The following ATP6V0A4 variants were observed in gnomAD, a reference collection of about 807,000 sequenced individuals.
ATP6V0A4 encodes the protein ATPase H+ transporting V0 subunit a4.
In ATP6V0A4, 86 loss-of-function variants were observed where a neutral mutation model predicts 107.3. The ratio of observed to expected loss-of-function variants is 0.80; its 90% confidence interval spans 0.67 to 0.96. ATP6V0A4 has a LOEUF of 0.96. Among genes scored for constraint, ATP6V0A4 ranks in the 40% least tolerant of loss-of-function variants. ATP6V0A4 has a pLI of 0.00. For missense variants in ATP6V0A4, 908 were observed against 1,045.6 expected (o/e 0.87, Z 1.81); for synonymous variants, 353 against 381.4 (o/e 0.93, Z 0.87).
intron 8 of ATP6V0A4, among the ~76,000 whole-genome samples, chr7:138,756,971 A>G (rs1295881818): frequency 6.6e-6 from 1 of 152,210 alleles, no homozygotes; most frequent in Non-Finnish European, 1.5e-5. Context: ...ATATTTAACA[A>G]AGGTAAAGCC....
chr7:138,733,193 T>A, intron 16 of ATP6V0A4, 100 bp from the exon 17 acceptor site: 1 of 1,233,432 alleles, frequency 8.1e-7, no homozygotes. Flanking sequence ...TGTTCTATCT[T>A]TTTTTTTTTT....
chr7:138,722,865 C>G (rs1266153677), intron 18 of ATP6V0A4, among the ~76,000 whole-genome samples: 1 of 150,662 alleles, frequency 6.6e-6, no homozygotes, highest in African/African-American at 2.4e-5. Context: ...TCAAGACCAG[C>G]CTGGTCAACA....
At chr7:138,736,747 TTTTAGTAGAGATGGGGTTTCACCA>T (rs1282893349) in intron 15 of ATP6V0A4, among the ~76,000 whole-genome samples, 1 of 151,874 alleles carries the variant, frequency 6.6e-6, no homozygotes, top group Non-Finnish European at 1.5e-5. Flanking sequence ...AATTTTGTAT[TTTTAGTAGAGATGGGGTTTCACCA>T]TGTTGGCCAG....
Position 138,768,782 on chromosome 7 carries a change from C to G in ATP6V0A4, c.289G>C (p.Glu97Gln). ...TPLPREMITLETVLEKLEGEL... is the reference protein window; with the variant it reads ...TPLPREMITLQTVLEKLEGEL... The stretch of plus-strand genomic sequence containing the variant: ...GGCCAGCAAAGTGGAGAACTTACCT[C>G]CAGGGTAATCATTTCCCGTGGGAGC... Residue 97 changes from glutamate to glutamine, a missense_variant and splice_region_variant, in exon 5 of 22, where the codon GAG becomes CAG. Coordinates refer to ENST00000310018, the MANE Select transcript of ATP6V0A4 (RefSeq NM_020632.3). 6.2e-7 allele frequency: 1 copy of G among 1,614,164 alleles called. No individual in the cohort carries two copies. The highest frequency in any genetic ancestry group is 1.7e-5 in the Admixed American group (1 of 60,012).
chr7:138,706,513 G>T lies in ATP6V0A4; in HGVS notation c.*111C>A, dbSNP rs75920897. The T allele has an allele frequency of 7.0e-3, 9,034 of 1,296,138 alleles. 508 individuals are homozygous for T. The African/African-American group carries it at 0.11, about 16-fold the overall frequency. The allele number at this position is 1,296,138 out of a possible 1,614,324, so 80.3% of individuals were successfully genotyped here. A position where few individuals can be genotyped will look rare whatever the true frequency, so the allele number is the denominator to read the frequency against. ...AATAATACACAGTTTCATGCTTCAG[G>T]TGAGCCAAGAACAACCTTCCCATTG... On this transcript the variant is annotated 3_prime_UTR_variant, in exon 22 of 22. Transcript: ENST00000310018.
In ATP6V0A4 at chr7:138,779,020, A is replaced by T. The variant is rs78595692; in HGVS notation, c.-18+7138T>A. On this transcript the variant is annotated intron_variant, in intron 2 of 21. Transcript: ENST00000310018. ...GAGAAACGCTCTACCCAACTTCAAG[A>T]CTTACTGTACAGCACCAGTAATCAA... Among the ~76,000 whole-genome samples the T allele has an allele frequency of 4.2e-3, 632 of 152,258 alleles. 4 individuals are homozygous for T. The highest frequency in any genetic ancestry group is 0.015 in the African/African-American group (613 of 41,538).
Position 138,784,419 on chromosome 7 carries a change from C to T in ATP6V0A4, c.-18+1739G>A, listed in dbSNP as rs552314599. Among the ~76,000 whole-genome samples the T allele has an allele frequency of 1.1e-4, 17 of 150,120 alleles. No homozygotes were observed. In the South Asian group the frequency reaches 2.5e-3, roughly 22 times the overall value. ...CTGCAAGCTCCGTCTCCTGGGTTCA[C>T]GCCATTCTCCTGACTCAGCCTCCCG... On this transcript the variant is annotated intron_variant, in intron 2 of 21. Transcript: ENST00000310018.
At chr7:138,747,099 T>C (rs1584921567) in intron 13 of ATP6V0A4, among the ~76,000 whole-genome samples, 1 of 152,140 alleles carries the variant, frequency 6.6e-6, no homozygotes, top group South Asian at 2.1e-4. Flanking sequence ...GGTCATTAGA[T>C]GGTTGCATTT....
intron 13 of ATP6V0A4, among the ~76,000 whole-genome samples, chr7:138,746,782 G>A (rs1161199596): frequency 6.6e-6 from 1 of 152,138 alleles, no homozygotes; most frequent in African/African-American, 2.4e-5. Context: ...GGGGTTACAG[G>A]TGTGAGCCAC....
intron 11 of ATP6V0A4, among the ~76,000 whole-genome samples, chr7:138,749,925 G>A (rs1021907016): frequency 1.4e-4 from 22 of 152,196 alleles, no homozygotes; most frequent in African/African-American, 5.3e-4. Context: ...TCTTTCCTCC[G>A]ATTCCCACAG....
At chr7:138,718,549 T>TGTCTGCGGAGGGAGAC (rs1195381278) in intron 19 of ATP6V0A4, among the ~76,000 whole-genome samples, 23 of 93,658 alleles carry the variant, frequency 2.5e-4, no homozygotes, top group African/African-American at 8.5e-4. Flanking sequence ...CAGTCACCGA[T>TGTCTGCGGAGGGAGAC]GTCTGCGGAG....
intron 1 of ATP6V0A4, among the ~76,000 whole-genome samples, chr7:138,793,512 T>C (rs35232565): frequency 0.021 from 3,214 of 152,272 alleles, 43 homozygotes; most frequent in Middle Eastern, 0.048. Context: ...AGGAAAAATA[T>C]GGATGTTCTG....
chr7:138,739,899 T>C (rs764207960), intron 14 of ATP6V0A4, among the ~76,000 whole-genome samples: 7 of 152,106 alleles, frequency 4.6e-5, no homozygotes, highest in Non-Finnish European at 1.0e-4. Flanking sequence ...TCCCAGCACT[T>C]TGGGAGCCTG....
chr7:138,783,978 G>A (rs1808032228), intron 2 of ATP6V0A4, among the ~76,000 whole-genome samples: 1 of 151,834 alleles, frequency 6.6e-6, no homozygotes, highest in Non-Finnish European at 1.5e-5. Context: ...TGAACCTCAA[G>A]AGTAAAGGAA....
chr7:138,755,570 T>TAGCCAGCATTCC, intron 10 of ATP6V0A4, 119 bp downstream of exon 10: 1 of 1,358,548 alleles, frequency 7.4e-7, no homozygotes, highest in South Asian at 1.2e-5. Context: ...CAGAAAGGCA[T>TAGCCAGCATTCC]AGCCAGCATT....
At chr7:138,779,870 T>C (rs1807841406) in intron 2 of ATP6V0A4, among the ~76,000 whole-genome samples, 1 of 152,174 alleles carries the variant, frequency 6.6e-6, no homozygotes, top group African/African-American at 2.4e-5. Flanking sequence ...CACAAGTGTG[T>C]TCATAAAAAA....
intron 9 of ATP6V0A4, chr7:138,756,064 C>T (rs1243081910): frequency 3.6e-6 from 2 of 558,172 alleles, no homozygotes; most frequent in Non-Finnish European, 6.3e-6. Context: ...CTGGGCTTGC[C>T]CCTTCCTAAG....
chr7:138,714,087 A>G (rs1730388966), intron 20 of ATP6V0A4, among the ~76,000 whole-genome samples: 1 of 151,824 alleles, frequency 6.6e-6, no homozygotes, highest in Non-Finnish European at 1.5e-5. Context: ...AAAAAAAAAA[A>G]AAAAAAAATT....
In ATP6V0A4 at chr7:138,732,735, A is replaced by G. The variant is rs10247054; in HGVS notation, c.1908+142T>C. On this transcript the variant is annotated intron_variant, in intron 17 of 21. Transcript: ENST00000310018. ...TTTTAACCCAGGAGGTGGAGGTTGCAGTGAGTCAAGATCACGCCACTGCAC... is the reference window on the plus strand; with the variant it reads ...TTTTAACCCAGGAGGTGGAGGTTGCGGTGAGTCAAGATCACGCCACTGCAC... 6,289 of 904,800 alleles carry G rather than the reference A, an allele frequency of 7.0e-3. 299 individuals are homozygous for G. The African/African-American group carries it at 0.094, about 14-fold the overall frequency. 56.0% of individuals were successfully genotyped at this position (904,800 alleles called of 1,614,324 possible).
Sources: allele counts gnomAD v4.1 joint callset (sites outside exome capture counted in the v4.1 genomes callset), GRCh38; gene constraint gnomAD v4.1.1; transcripts MANE v1.5; gene names NCBI Gene and HGNC (gene_info 2026-07-23, HGNC 2026-07-21).